The following CACNA2D1 variants were observed in gnomAD, a reference collection of about 807,000 sequenced individuals.
CACNA2D1 encodes voltage-dependent calcium channel subunit alpha-2/delta-1.
Under a neutral mutation model 171.5 loss-of-function variants are expected in CACNA2D1, and 53 were observed. The observed-to-expected ratio is 0.31, with a 90% CI of 0.25 to 0.39. The LOEUF (loss-of-function observed/expected upper bound fraction) is 0.39. Ranked by LOEUF, CACNA2D1 falls within the 10% of genes least tolerant of loss-of-function variation. The probability of loss-of-function intolerance (pLI) is 1.00; values close to 1 mark genes in which losing one functional copy is unlikely to be tolerated. For synonymous variants in CACNA2D1, 442 were observed against 443.1 expected (o/e 1.00, Z 0.03); for missense variants, 903 against 1,299.8 (o/e 0.69, Z 4.69).
chr7:82,440,561 C>A (rs1368301204), intron 1 of CACNA2D1, among the ~76,000 whole-genome samples: 1 of 151,762 alleles, frequency 6.6e-6, no homozygotes, highest in Non-Finnish European at 1.5e-5. Flanking sequence ...ATGTTTCACA[C>A]CTTAGGGAGA....
At chr7:82,028,206 G>C (rs949983407) in intron 12 of CACNA2D1, 1 of 151,622 alleles carries the variant, frequency 6.6e-6, no homozygotes, top group African/African-American at 2.4e-5. Flanking sequence ...AAATCTCAGG[G>C]TCCTTAAGAA....
chr7:82,131,886 G>A (rs1791021384), intron 5 of CACNA2D1, among the ~76,000 whole-genome samples: 1 of 152,122 alleles, frequency 6.6e-6, no homozygotes, highest in South Asian at 2.1e-4. Flanking sequence ...ATATAAAGTT[G>A]TAAACAAAAG....
At chr7:82,322,117 C>T (rs1358659322) in intron 3 of CACNA2D1, among the ~76,000 whole-genome samples, 1 of 84,784 alleles carries the variant, frequency 1.2e-5, no homozygotes, top group East Asian at 3.9e-4. Flanking sequence ...CAGAGCGAGA[C>T]TCCGTCTCAA....
At chr7:82,111,444 A>ATATATATATATATATT (rs1207440298) in intron 6 of CACNA2D1, among the ~76,000 whole-genome samples, 2 of 69,968 alleles carry the variant, frequency 2.9e-5, no homozygotes, top group African/African-American at 1.4e-4. Flanking sequence ...ATATATATAT[A>ATATATATATATATATT]TTTTTTTTTT....
At chr7:82,034,354 C>T (rs1304959395) in intron 11 of CACNA2D1, among the ~76,000 whole-genome samples, 1 of 151,966 alleles carries the variant, frequency 6.6e-6, no homozygotes, top group East Asian at 1.9e-4. Context: ...ACCCATTTTC[C>T]CTTGTGAAAA....
At chr7:82,403,136 A>T (rs1826626734) in intron 1 of CACNA2D1, among the ~76,000 whole-genome samples, 1 of 152,084 alleles carries the variant, frequency 6.6e-6, no homozygotes, top group South Asian at 2.1e-4. Flanking sequence ...AAAGAAAGGT[A>T]AGGGGAGAAG....
intron 6 of CACNA2D1, among the ~76,000 whole-genome samples, chr7:82,086,937 A>G (rs1039160092): frequency 2.6e-4 from 40 of 152,232 alleles, no homozygotes; most frequent in African/African-American, 9.1e-4. Context: ...TTATCCTGGC[A>G]ATATGTTTTA....
intron 1 of CACNA2D1, among the ~76,000 whole-genome samples, chr7:82,385,734 G>A (rs4732454): frequency 0.016 from 2,406 of 151,856 alleles, 78 homozygotes; most frequent in Admixed American, 0.078. Flanking sequence ...GTGCAATCTC[G>A]GCTCACTGCG....
At chr7:82,266,235 T>C (rs1182009028) in intron 3 of CACNA2D1, among the ~76,000 whole-genome samples, 1 of 152,186 alleles carries the variant, frequency 6.6e-6, no homozygotes, top group Non-Finnish European at 1.5e-5. Flanking sequence ...ATCTAGGTTT[T>C]GATTTAAGAT....
intron 12 of CACNA2D1, among the ~76,000 whole-genome samples, chr7:82,017,550 A>G (rs1345569522): frequency 6.6e-6 from 1 of 152,026 alleles, no homozygotes; most frequent in East Asian, 1.9e-4. Context: ...GGAATAGTCA[A>G]TGAACTAAAT....
At chr7:82,044,375 CAT>C (rs1485671708) in intron 10 of CACNA2D1, among the ~76,000 whole-genome samples, 1 of 152,110 alleles carries the variant, frequency 6.6e-6, no homozygotes, top group African/African-American at 2.4e-5. Context: ...TATTACTTAA[CAT>C]GTCTTAATGT....
chr7:82,256,611 G>A (rs951328351), intron 3 of CACNA2D1, among the ~76,000 whole-genome samples: 6 of 152,092 alleles, frequency 3.9e-5, no homozygotes, highest in African/African-American at 9.7e-5. Flanking sequence ...AAAAAGAATG[G>A]TAATACAGAA....
chr7:82,014,596 G>A lies in CACNA2D1; in HGVS notation c.1144-117C>T, dbSNP rs568066891. 30 of 685,316 alleles carry A rather than the reference G, an allele frequency of 4.4e-5. No homozygotes were observed. In the East Asian group the frequency reaches 7.9e-4, roughly 18 times the overall value. The allele number at this position is 685,316 out of a possible 1,614,324, so 42.5% of individuals were successfully genotyped here. On this transcript the variant is annotated intron_variant, in intron 12 of 38. Transcript: ENST00000356860. The stretch of plus-strand genomic sequence containing the variant: ...GCTTTCCAGTTGAATGATATGACAA[G>A]AAAAACTGAGGCCAGTAAAGCCTTC...
intron 16 of CACNA2D1, among the ~76,000 whole-genome samples, chr7:82,006,994 T>C (rs887221504): frequency 2.6e-5 from 4 of 152,088 alleles, no homozygotes; most frequent in Non-Finnish European, 5.9e-5. Flanking sequence ...AACTTCAAAA[T>C]CTCAAATTCC....
intron 34 of CACNA2D1, 99 bp from the exon 35 acceptor site, chr7:81,962,594 G>C: frequency 1.3e-6 from 1 of 757,038 alleles, no homozygotes; most frequent in South Asian, 1.6e-5. Flanking sequence ...ATCTTTTTGG[G>C]AAAGAAAGTC....
At chr7:82,407,040 C>A (rs1048826307) in intron 1 of CACNA2D1, among the ~76,000 whole-genome samples, 5 of 152,124 alleles carry the variant, frequency 3.3e-5, no homozygotes, top group African/African-American at 1.2e-4. Context: ...GATAAAGAGG[C>A]CTTACTGGCA....
chr7:82,283,945 A>G (rs1269178480), intron 3 of CACNA2D1, among the ~76,000 whole-genome samples: 2 of 152,140 alleles, frequency 1.3e-5, no homozygotes, highest in African/African-American at 4.8e-5. Context: ...ACATGAGGGG[A>G]AATAAATCAG....
At chr7:82,241,344 T>C (rs900388922) in intron 3 of CACNA2D1, among the ~76,000 whole-genome samples, 5 of 152,220 alleles carry the variant, frequency 3.3e-5, no homozygotes, top group Non-Finnish European at 5.9e-5. Context: ...TTTTATTCTC[T>C]ACACCACAAG....
At chr7:82,203,492 C>G (rs1465181399) in intron 3 of CACNA2D1, among the ~76,000 whole-genome samples, 1 of 152,186 alleles carries the variant, frequency 6.6e-6, no homozygotes, top group Non-Finnish European at 1.5e-5. Flanking sequence ...ATGCTAACCT[C>G]TGATTGTCTT....
Sources: allele counts gnomAD v4.1 joint callset (sites outside exome capture counted in the v4.1 genomes callset), GRCh38; gene constraint gnomAD v4.1.1; transcripts MANE v1.5; gene names NCBI Gene and HGNC (gene_info 2026-07-23, HGNC 2026-07-21).